Variants in PRKCH observed in about 807,000 individuals in gnomAD.
The protein encoded by PRKCH is protein kinase C eta type.
PRKCH carries 28 observed loss-of-function variants against 82.5 expected under a neutral mutation model. The ratio of observed to expected loss-of-function variants is 0.34; its 90% CI spans 0.25 to 0.47. The LOEUF (loss-of-function observed/expected upper bound fraction) is 0.47. PRKCH is among the 20% of genes least tolerant of loss of function. PRKCH has a pLI of 1.00. For missense variants in PRKCH, 705 were observed against 881.8 expected (o/e 0.80, Z 2.54); for synonymous variants, 322 against 327.4 (o/e 0.98, Z 0.18).
At chr14:61,319,506 A>G (rs987055166), upstream of PRKCH, among the ~76,000 whole-genome samples, 2 of 152,124 alleles carry the variant, frequency 1.3e-5, no homozygotes, top group Non-Finnish European at 2.9e-5. Flanking sequence ...TGGTATCGTC[A>G]TATCCCAGTC....
rs1555386588 is a variant in PRKCH at position 61,433,052 on chromosome 14, A to AAACAAAAAAAC, written c.428-10057_428-10056insCAAAAAAACAA. On this transcript the variant is annotated intron_variant, in intron 2 of 13. Transcript: ENST00000332981. ...CACCCCCCAACCTCTTCAAAAAAAA[A>AAACAAAAAAAC]AAAAAAAAACTATCAAAAAATGGTG... is the stretch of plus-strand genomic sequence containing the variant. 2.7e-5 allele frequency among the ~76,000 whole-genome samples: 4 copies of AAACAAAAAAAC among 149,644 alleles called. 1 individual carries two copies. Among genetic ancestry groups the AAACAAAAAAAC allele is most frequent in the African/African-American group, 1.0e-4 (4 of 39,362 alleles).
intron 6 of PRKCH, 173 bp from the exon 7 acceptor site, chr14:61,453,053 G>A: frequency 1.4e-6 from 1 of 719,590 alleles, no homozygotes; most frequent in Non-Finnish European, 2.3e-6. Flanking sequence ...AACAGAAATA[G>A]ATAAAATGTC....
chr14:61,273,018 A>G (rs1312665351), intron 1 of PRKCH, among the ~76,000 whole-genome samples: 1 of 152,210 alleles, frequency 6.6e-6, no homozygotes. Context: ...GCCCAGTAAC[A>G]TATATTACTT....
chr14:61,352,689 G>GGAAAAAGAAAGAAA (rs1555378084), intron 1 of PRKCH, among the ~76,000 whole-genome samples: 3 of 126,456 alleles, frequency 2.4e-5, no homozygotes, highest in African/African-American at 9.2e-5. Flanking sequence ...AGAAAGGAAA[G>GGAAAAAGAAAGAAA]GAAAGAAAGA....
chr14:61,360,256 G>A (rs2046205660), intron 1 of PRKCH, among the ~76,000 whole-genome samples: 1 of 152,248 alleles, frequency 6.6e-6, no homozygotes, highest in Admixed American at 6.5e-5. Context: ...CATGATCCCA[G>A]CACTTTGGGA....
At chr14:61,390,319 A>G (rs1322886929) in intron 1 of PRKCH, among the ~76,000 whole-genome samples, 1 of 152,218 alleles carries the variant, frequency 6.6e-6, no homozygotes, top group Non-Finnish European at 1.5e-5. Context: ...TGCAGAATGC[A>G]TGTCTTGATA....
intron 3 of PRKCH, among the ~76,000 whole-genome samples, chr14:61,444,719 G>A (rs775601097): frequency 6.6e-6 from 1 of 152,152 alleles, no homozygotes; most frequent in Non-Finnish European, 1.5e-5. Context: ...AACTGGGTGT[G>A]TGACTTAGTC....
intron 2 of PRKCH, among the ~76,000 whole-genome samples, chr14:61,392,749 A>G (rs1117441): frequency 0.95 from 144,334 of 152,092 alleles, 68,945 homozygotes; most frequent in Non-Finnish European, 1. Context: ...ATGAAGTTCA[A>G]TTTGTTAATC....
chr14:61,458,277 G>A (rs1457941990), intron 9 of PRKCH, among the ~76,000 whole-genome samples: 1 of 152,288 alleles, frequency 6.6e-6, no homozygotes, highest in East Asian at 1.9e-4. Context: ...CTTGACCAGC[G>A]GTGGATTAAA....
At chr14:61,486,446 C>T (rs2140331465) in intron 10 of PRKCH, among the ~76,000 whole-genome samples, 1 of 152,224 alleles carries the variant, frequency 6.6e-6, no homozygotes, top group East Asian at 1.9e-4. Context: ...TCATAATATA[C>T]CATACTTTGA....
chr14:61,501,033 C>G (rs1475723768), intron 10 of PRKCH, among the ~76,000 whole-genome samples: 1 of 152,136 alleles, frequency 6.6e-6, no homozygotes, highest in African/African-American at 2.4e-5. Context: ...TTAAAACTTA[C>G]CCCCACAATG....
rs1270010770 is a variant in PRKCH at position 61,453,365 on chromosome 14, C to T, written c.960+12C>T. The T allele has an allele frequency of 4.3e-6, 7 of 1,609,396 alleles. No individual in the cohort carries two copies. The highest frequency in any genetic ancestry group is 5.9e-6 in the Non-Finnish European group (7 of 1,177,098). ...TTTCTCCAACCTCGGTGAGACTTTG[C>T]TTTTTTTCCATGTCTCGTAATTTAG... On this transcript the variant is annotated intron_variant, in intron 7 of 13. Transcript: ENST00000332981.
Position 61,188,739 on chromosome 14 carries a change from G to GTGTGTGTGTGTGT in PRKCH, c.-19+1071_-19+1072insTGTGTGTGTGTGT, listed in dbSNP as rs1491089927. 3.6e-4 allele frequency among the ~76,000 whole-genome samples: 52 copies of GTGTGTGTGTGTGT among 144,368 alleles called. 7 individuals carry two copies. The highest frequency in any genetic ancestry group is 4.3e-4 in the Non-Finnish European group (28 of 65,538). 94.7% of individuals were successfully genotyped at this position (144,368 alleles called of 152,430 possible). ...TGTGTGTGTGTGTGTGTGTGTGTGT[G>GTGTGTGTGTGTGT]ATGGAGTTTTGCTCTTGTTGCCCAG... On this transcript the variant is annotated intron_variant, in intron 1 of 3. Coordinates refer to the PRKCH transcript ENST00000555185.
At chr14:61,462,760 GA>G (rs1397510586) in intron 9 of PRKCH, among the ~76,000 whole-genome samples, 1 of 152,052 alleles carries the variant, frequency 6.6e-6, no homozygotes, top group Non-Finnish European at 1.5e-5. Flanking sequence ...TTAGGAGTGA[GA>G]GGGGGTGTTG....
chr14:61,388,265 G>C (rs1383816502), intron 1 of PRKCH, among the ~76,000 whole-genome samples: 1 of 152,138 alleles, frequency 6.6e-6, no homozygotes. Context: ...CTAAGGTCCA[G>C]TGTCTTACCA....
At chr14:61,480,111 C>A (rs1885903591) in intron 9 of PRKCH, among the ~76,000 whole-genome samples, 1 of 152,236 alleles carries the variant, frequency 6.6e-6, no homozygotes, top group African/African-American at 2.4e-5. Flanking sequence ...TCAGGTAAAG[C>A]TGTACAGATG....
At chr14:61,482,211 G>A (rs1186495753) in intron 9 of PRKCH, among the ~76,000 whole-genome samples, 1 of 152,002 alleles carries the variant, frequency 6.6e-6, no homozygotes, top group Non-Finnish European at 1.5e-5. Context: ...TGCCCAGGCT[G>A]GTTTTGAACT....
chr14:61,340,798 C>T (rs2083539043), intron 1 of PRKCH, among the ~76,000 whole-genome samples: 1 of 152,188 alleles, frequency 6.6e-6, no homozygotes, highest in African/African-American at 2.4e-5. Flanking sequence ...TTGACCTGCT[C>T]CTCCTCCCAT....
intron 1 of PRKCH, among the ~76,000 whole-genome samples, chr14:61,340,606 A>C (rs1483364324): frequency 6.6e-6 from 1 of 152,156 alleles, no homozygotes; most frequent in East Asian, 1.9e-4. Context: ...CTCACAGTAG[A>C]CTGTGAGAGA....
Sources: allele counts gnomAD v4.1 joint callset (sites outside exome capture counted in the v4.1 genomes callset), GRCh38; gene constraint gnomAD v4.1.1; transcripts MANE v1.5; gene names NCBI Gene and HGNC (gene_info 2026-07-23, HGNC 2026-07-21).